NF1: variants seen among roughly 807,000 people sequenced by gnomAD.
The protein encoded by NF1 is neurofibromin.
In NF1, 122 loss-of-function variants were observed where a neutral mutation model predicts 325.7. The ratio of observed to expected loss-of-function variants is 0.37; its 90% CI spans 0.32 to 0.44. NF1 has a LOEUF of 0.44. Ranked by LOEUF, NF1 falls within the 20% of genes least tolerant of loss-of-function variation. The pLI, the probability that NF1 is intolerant of heterozygous loss-of-function variation, is 1.00. For synonymous variants in NF1, 1,091 were observed against 1,186.0 expected (o/e 0.92, Z 1.65); for missense variants, 2,140 against 3,415.4 (o/e 0.63, Z 9.31).
At chr17:31,145,989 A>G (rs1188929213) in intron 1 of NF1, among the ~76,000 whole-genome samples, 3 of 152,214 alleles carry the variant, frequency 2.0e-5, no homozygotes, top group African/African-American at 7.2e-5. Context: ...AGAAGTTTCC[A>G]TTACAGATTC....
At chr17:31,281,283 T>G (rs1214783198) in intron 36 of NF1, among the ~76,000 whole-genome samples, 2 of 152,214 alleles carry the variant, frequency 1.3e-5, no homozygotes, top group African/African-American at 4.8e-5. Context: ...GAAGTGTTTA[T>G]GACACATTGT....
chr17:31,331,556 G>C (rs954585462), intron 39 of NF1: 1 of 152,090 alleles, frequency 6.6e-6, no homozygotes, highest in African/African-American at 2.4e-5. Flanking sequence ...AAACATACAT[G>C]TGCAAGAATC....
chr17:31,349,595 G>A (rs1181025856), intron 49 of NF1, among the ~76,000 whole-genome samples: 1 of 152,118 alleles, frequency 6.6e-6, no homozygotes, highest in African/African-American at 2.4e-5. Flanking sequence ...TAAATTTCAT[G>A]AGCCTCATTT....
intron 36 of NF1, among the ~76,000 whole-genome samples, chr17:31,276,624 A>C (rs2068015523): frequency 6.6e-6 from 1 of 152,172 alleles, no homozygotes; most frequent in African/African-American, 2.4e-5. Flanking sequence ...TGTGGATATT[A>C]ATGTTGCGCT....
At chr17:31,126,054 G>A (rs1188184913) in intron 1 of NF1, among the ~76,000 whole-genome samples, 1 of 152,110 alleles carries the variant, frequency 6.6e-6, no homozygotes, top group South Asian at 2.1e-4. Context: ...TGGACGTTGT[G>A]GCATGCACCT....
intron 36 of NF1, among the ~76,000 whole-genome samples, chr17:31,291,911 A>G (rs2068350580): frequency 6.6e-6 from 1 of 151,412 alleles, no homozygotes; most frequent in African/African-American, 2.4e-5. Flanking sequence ...AAATGTTTCC[A>G]TATATGGGAA....
chr17:31,374,673 A>C lies in NF1; in HGVS notation c.*518A>C. The C allele has an allele frequency of 4.0e-6, 1 of 248,698 alleles. No homozygotes were observed. The highest frequency in any genetic ancestry group is 7.9e-6 in the Non-Finnish European group (1 of 126,668). The allele number at this position is 248,698 out of a possible 1,614,324, so 15.4% of individuals were successfully genotyped here. ...TGGACTTTTTTTTTAACCGTACAAA[A>C]CTGAAAGAACCATAGAGGTCAAGCC... On this transcript the variant is annotated 3_prime_UTR_variant, in exon 58 of 58. Coordinates refer to ENST00000358273, the MANE Select transcript of NF1 (RefSeq NM_001042492.3).
intron 29 of NF1, among the ~76,000 whole-genome samples, chr17:31,238,123 G>A (rs2067234507): frequency 6.6e-6 from 1 of 152,170 alleles, no homozygotes; most frequent in Admixed American, 6.5e-5. Context: ...TAATTGACGA[G>A]TTGCTGGAGG....
At chr17:31,236,914 A>G (rs2151439588) in intron 29 of NF1, among the ~76,000 whole-genome samples, 1 of 152,184 alleles carries the variant, frequency 6.6e-6, no homozygotes, top group Non-Finnish European at 1.5e-5. Context: ...GCTCTTTTAC[A>G]TTTTTACATC....
intron 36 of NF1, among the ~76,000 whole-genome samples, chr17:31,298,645 T>TG (rs1422878543): frequency 1.3e-5 from 2 of 152,134 alleles, no homozygotes; most frequent in African/African-American, 4.8e-5. Flanking sequence ...GGTGCTTTAT[T>TG]GCCACTTTAC....
chr17:31,254,796 A>G (rs2067554898), intron 31 of NF1, among the ~76,000 whole-genome samples: 1 of 151,942 alleles, frequency 6.6e-6, no homozygotes, highest in Middle Eastern at 3.2e-3. Flanking sequence ...CAAGTTTTGG[A>G]ATGTATTTCT....
intron 31 of NF1, among the ~76,000 whole-genome samples, chr17:31,257,045 C>A (rs1436888006): frequency 6.6e-6 from 1 of 152,058 alleles, no homozygotes; most frequent in African/African-American, 2.4e-5. Flanking sequence ...CTACATTGAA[C>A]AAGATGAAGT....
rs199912230 is a variant in NF1 at position 31,373,760 on chromosome 17, T to G, written c.8378-253T>G. ...TAGTTAGCATTGTGTTACAACTACATAAAGTACACAATATGGTAACCTGCT... is the reference window on the plus strand; with the variant it reads ...TAGTTAGCATTGTGTTACAACTACAGAAAGTACACAATATGGTAACCTGCT... On this transcript the variant is annotated intron_variant, in intron 57 of 57. Transcript: ENST00000358273. Among the ~76,000 whole-genome samples the G allele has an allele frequency of 8.5e-5, 13 of 152,336 alleles. No individual in the cohort carries two copies. In the East Asian group the frequency reaches 1.5e-3, roughly 18 times the overall value.
intron 3 of NF1, among the ~76,000 whole-genome samples, chr17:31,162,180 A>T (rs551444658): frequency 2.0e-3 from 306 of 152,046 alleles, no homozygotes; most frequent in Admixed American, 8.9e-3. Context: ...ATGGGAAATA[A>T]GAGTGGTGAA....
At chr17:31,181,921 T>C (rs1250516467) in intron 7 of NF1, 136 bp downstream of exon 7, 1 of 686,026 alleles carries the variant, frequency 1.5e-6, no homozygotes, top group African/African-American at 1.8e-5. Flanking sequence ...TGGTGTCAAA[T>C]AGGAAATACT....
chr17:31,274,153 A>G (rs929889894), intron 36 of NF1, among the ~76,000 whole-genome samples: 6 of 152,298 alleles, frequency 3.9e-5, no homozygotes, highest in African/African-American at 1.4e-4. Flanking sequence ...AGGATTACAT[A>G]TGAAAGTGAT....
In NF1 at chr17:31,263,019, TTAGATAGA is replaced by T. The variant is rs914398266; in HGVS notation, c.4724+1174_4724+1181del. On this transcript the variant is annotated intron_variant, in intron 35 of 57. Transcript: ENST00000358273. ...GCAACATAGTGAGACCTTGTCTTTA[TTAGATAGA>T]TAGATAGATAGGTAGGTAGGTAGGT... Among the ~76,000 whole-genome samples, 898 of 93,350 alleles carry T rather than the reference TTAGATAGA, an allele frequency of 9.6e-3. 14 individuals are homozygous for T. The highest frequency in any genetic ancestry group is 0.027 in the African/African-American group (850 of 31,258). 61.2% of individuals were successfully genotyped at this position (93,350 alleles called of 152,430 possible).
intron 5 of NF1, among the ~76,000 whole-genome samples, chr17:31,172,388 G>A (rs548300275): frequency 4.3e-5 from 6 of 138,918 alleles, no homozygotes; most frequent in Admixed American, 1.5e-4. Context: ...TCTTTCTCTC[G>A]ATATACCTAT....
intron 36 of NF1, chr17:31,321,858 G>A (rs1435137377): frequency 6.6e-6 from 1 of 152,052 alleles, no homozygotes; most frequent in East Asian, 1.9e-4. Context: ...CTATAGGCCT[G>A]CTACATGCTT....
Sources: allele counts gnomAD v4.1 joint callset (sites outside exome capture counted in the v4.1 genomes callset), GRCh38; gene constraint gnomAD v4.1.1; transcripts MANE v1.5; gene names NCBI Gene and HGNC (gene_info 2026-07-23, HGNC 2026-07-21).